Variants in ETNK1 observed in about 807,000 individuals in gnomAD.
ETNK1 encodes ethanolamine kinase 1.
ETNK1 carries 8 observed loss-of-function variants against 45.1 expected under a neutral mutation model. The observed-to-expected ratio is 0.18, with a 90% CI of 0.10 to 0.32. ETNK1 has a LOEUF of 0.32. Ranked by LOEUF, ETNK1 falls within the 10% of genes least tolerant of loss-of-function variation. The pLI, the probability that ETNK1 is intolerant of heterozygous loss-of-function variation, is 1.00. For missense variants in ETNK1, 302 were observed against 430.6 expected (o/e 0.70, Z 2.64); for synonymous variants, 152 against 151.9 (o/e 1.00, Z -0.01).
intron 2 of ETNK1, among the ~76,000 whole-genome samples, chr12:22,651,965 C>T (rs570395104): frequency 2.6e-5 from 4 of 152,192 alleles, no homozygotes; most frequent in African/African-American, 7.2e-5. Flanking sequence ...GGATTACAGG[C>T]GTGAGCCACC....
chr12:22,647,719 G>A (rs751039879), intron 2 of ETNK1, among the ~76,000 whole-genome samples: 13 of 151,734 alleles, frequency 8.6e-5, no homozygotes, highest in Non-Finnish European at 1.6e-4. Flanking sequence ...ATTATTTTTC[G>A]TTTCAAAATA....
At chr12:22,629,714 G>A (rs1308745900) in intron 1 of ETNK1, among the ~76,000 whole-genome samples, 1 of 152,050 alleles carries the variant, frequency 6.6e-6, no homozygotes, top group Non-Finnish European at 1.5e-5. Context: ...GTAAGCTAAT[G>A]TAGTAAGTTA....
chr12:22,671,135 G>A (rs898821639), intron 4 of ETNK1, 137 bp from the exon 5 acceptor site: 1 of 710,880 alleles, frequency 1.4e-6, no homozygotes, highest in Non-Finnish European at 2.5e-6. Flanking sequence ...CCCTTACCCT[G>A]TATTGTCTCA....
rs1238755932 is a variant in ETNK1 at position 22,689,434 on chromosome 12, A to G, written c.*4480A>G. 1 of 152,012 alleles carries G rather than the reference A, an allele frequency of 6.6e-6. No homozygotes were observed. Among genetic ancestry groups the G allele is most frequent in the Non-Finnish European group, 1.5e-5 (1 of 67,854 alleles). The allele number at this position is 152,012 out of a possible 1,614,324, so 9.4% of individuals were successfully genotyped here. On this transcript the variant is annotated 3_prime_UTR_variant, in exon 8 of 8. Transcript: ENST00000266517. ...ATCCTGTAGCTTTTCTAGTTAACAAAAAATCGCTTTCTAAAATACTCTTAA... is the reference window on the plus strand; with the variant it reads ...ATCCTGTAGCTTTTCTAGTTAACAAGAAATCGCTTTCTAAAATACTCTTAA...
In ETNK1 at chr12:22,675,758, A is replaced by G. The variant is rs7132046; in HGVS notation, c.945+2098A>G. Among the ~76,000 whole-genome samples, 587 of 152,296 alleles carry G rather than the reference A, an allele frequency of 3.9e-3. 4 individuals carry two copies. Among genetic ancestry groups the G allele is most frequent in the African/African-American group, 0.014 (566 of 41,552 alleles). On this transcript the variant is annotated intron_variant, in intron 6 of 7. Coordinates refer to ENST00000266517, the MANE Select transcript of ETNK1 (RefSeq NM_018638.5). ...AAAGAATATCTTCATGAAATGAACA[A>G]CAGATATATTAATAAATGTCATACA...
intron 4 of ETNK1, among the ~76,000 whole-genome samples, chr12:22,666,295 G>A (rs1592132304): frequency 6.6e-6 from 1 of 152,110 alleles, no homozygotes; most frequent in Admixed American, 6.5e-5. Context: ...TAATGATATG[G>A]TGATAGAATT....
At chr12:22,674,573 G>A (rs1434122558) in intron 6 of ETNK1, among the ~76,000 whole-genome samples, 1 of 152,160 alleles carries the variant, frequency 6.6e-6, no homozygotes, top group Admixed American at 6.5e-5. Context: ...CTGGTCCTAG[G>A]ATGCCTGCTT....
rs577984988 is a variant in ETNK1, at chr12:22,685,550, A to G, written c.*596A>G. 2.6e-5 allele frequency: 4 copies of G among 151,994 alleles called. No individual in the cohort carries two copies. The highest frequency in any genetic ancestry group is 2.1e-4 in the South Asian group (1 of 4,826). The allele number at this position is 151,994 out of a possible 1,614,324, so 9.4% of individuals were successfully genotyped here. On this transcript the variant is annotated 3_prime_UTR_variant, in exon 8 of 8. Transcript: ENST00000266517. The stretch of plus-strand genomic sequence containing the variant: ...TTGGTGGTACATCTTGTTGAATTCA[A>G]TATTAGAAAGTATTTCTTTTTGGGG...
chr12:22,675,418 C>T lies in ETNK1; in HGVS notation c.945+1758C>T, dbSNP rs144847831. Among the ~76,000 whole-genome samples, 409 of 151,922 alleles carry T rather than the reference C, an allele frequency of 2.7e-3. 2 individuals carry two copies. The highest frequency in any genetic ancestry group is 9.5e-3 in the African/African-American group (393 of 41,406). ...TCACGCAGGCTGGAATGCAGTGGTACGATCATAGCTCACTGCAGCCTCAAA... is the reference window on the plus strand; with the variant it reads ...TCACGCAGGCTGGAATGCAGTGGTATGATCATAGCTCACTGCAGCCTCAAA... On this transcript the variant is annotated intron_variant, in intron 6 of 7. Coordinates refer to ENST00000266517, the MANE Select transcript of ETNK1 (RefSeq NM_018638.5).
chr12:22,628,109 G>A (rs569276193), intron 1 of ETNK1, among the ~76,000 whole-genome samples: 1 of 152,192 alleles, frequency 6.6e-6, no homozygotes, highest in South Asian at 2.1e-4. Context: ...TACAGCCACA[G>A]TGCTTTGTAT....
chr12:22,666,165 G>T (rs988627312), intron 4 of ETNK1, among the ~76,000 whole-genome samples: 5 of 152,138 alleles, frequency 3.3e-5, no homozygotes, highest in Non-Finnish European at 7.4e-5. Context: ...CCTTTCTGAA[G>T]TTGATGGTAG....
chr12:22,683,503 C>T (rs193244585), intron 6 of ETNK1, among the ~76,000 whole-genome samples: 2 of 152,090 alleles, frequency 1.3e-5, no homozygotes, highest in East Asian at 3.9e-4. Context: ...TTAAAACAAT[C>T]CTGTGTAGAA....
intron 2 of ETNK1, among the ~76,000 whole-genome samples, chr12:22,658,128 CAAG>C (rs68123742): frequency 0.047 from 7,109 of 152,016 alleles, 541 homozygotes; most frequent in African/African-American, 0.16. Context: ...ATCATGCTAA[CAAG>C]AACTAGGTAG....
intron 2 of ETNK1, chr12:22,656,780 A>AT (rs911714272): frequency 2.0e-6 from 2 of 982,240 alleles, no homozygotes; most frequent in African/African-American, 3.5e-5. Context: ...TTTTTCATTT[A>AT]TTTAAAAAAA....
rs12316161 is a variant in ETNK1, at chr12:22,685,032, T to G, written c.*78T>G. 1,903 of 1,009,330 alleles carry G rather than the reference T, an allele frequency of 1.9e-3. 33 individuals carry two copies. In the African/African-American group the frequency reaches 0.028, roughly 15 times the overall value. 62.5% of individuals were successfully genotyped at this position (1,009,330 alleles called of 1,614,324 possible). A position where few individuals can be genotyped will look rare whatever the true frequency, so the allele number is the denominator to read the frequency against. On this transcript the variant is annotated 3_prime_UTR_variant, in exon 8 of 8. Transcript: ENST00000266517. ...TTAAGAAATCCCAAAAAGCCAATAT[T>G]AGTTAAAATTCTGTTGTTTAATTTG...
chr12:22,679,683 T>C (rs1284499000), intron 6 of ETNK1, among the ~76,000 whole-genome samples: 3 of 151,098 alleles, frequency 2.0e-5, no homozygotes, highest in Non-Finnish European at 4.4e-5. Context: ...ATATTCGTGT[T>C]TTTTGTTCTT....
intron 2 of ETNK1, among the ~76,000 whole-genome samples, chr12:22,657,257 A>G (rs1953954117): frequency 6.6e-6 from 1 of 152,184 alleles, no homozygotes; most frequent in African/African-American, 2.4e-5. Context: ...TTATTTACTC[A>G]TTTGTTTGAG....
At chr12:22,639,631 C>A (rs780290058) in intron 1 of ETNK1, among the ~76,000 whole-genome samples, 13 of 151,546 alleles carry the variant, frequency 8.6e-5, no homozygotes, top group Non-Finnish European at 1.9e-4. Context: ...GAGCCGAGAT[C>A]GTGCCACTTC....
chr12:22,659,387 TG>T (rs1246211198), intron 3 of ETNK1, among the ~76,000 whole-genome samples: 1 of 151,716 alleles, frequency 6.6e-6, no homozygotes, highest in Non-Finnish European at 1.5e-5. Flanking sequence ...GGGGCAGAGG[TG>T]GAAGTAGGGG....
Sources: gnomAD v4.1 joint callset for allele counts (sites outside exome capture counted in the v4.1 genomes callset) on GRCh38, gnomAD v4.1.1 for gene constraint, MANE v1.5 for transcripts, NCBI Gene and HGNC (gene_info 2026-07-23, HGNC 2026-07-21) for gene names.